WRN: variants seen among roughly 807,000 people sequenced by gnomAD.
WRN encodes WRN RecQ like helicase.
Under a neutral mutation model 180.7 loss-of-function variants are expected in WRN, and 149 were observed. The observed-to-expected ratio is 0.82, with a 90% CI of 0.72 to 0.94. WRN has a LOEUF of 0.94. Ranked by LOEUF, WRN falls within the 40% of genes least tolerant of loss-of-function variation. The probability of loss-of-function intolerance (pLI) is 0.00; values close to 1 mark genes in which losing one functional copy is unlikely to be tolerated. For synonymous variants in WRN, 548 were observed against 568.9 expected, an observed-to-expected ratio of 0.96 and a Z score of 0.52; for missense variants, 1,661 against 1,700.1, an observed-to-expected ratio of 0.98 and a Z score of 0.40.
chr8:31,146,293 T>A (rs1162198780), intron 28 of WRN, among the ~76,000 whole-genome samples: 1 of 149,914 alleles, frequency 6.7e-6, no homozygotes, highest in East Asian at 1.9e-4. Context: ...TTATATATAT[T>A]TTTAATATAA....
intron 23 of WRN, among the ~76,000 whole-genome samples, chr8:31,131,050 T>C (rs554759350): frequency 6.6e-6 from 1 of 152,220 alleles, no homozygotes; most frequent in African/African-American, 2.4e-5. Flanking sequence ...AGCAATATGC[T>C]TGTGGACATA....
chr8:31,175,535 T>G lies in WRN; in HGVS notation c.*2433T>G, dbSNP rs1294859014. ...TGAATATAACAGAGTATGAAAAAGT[T>G]TATTGATATAGTTTCAGATTACACA... On this transcript the variant is annotated 3_prime_UTR_variant, in exon 35 of 35. Coordinates refer to ENST00000298139, the MANE Select transcript of WRN (RefSeq NM_000553.6). 6.6e-6 allele frequency among the ~76,000 whole-genome samples: 1 copy of G among 152,238 alleles called. No homozygotes were observed. The highest frequency in any genetic ancestry group is 1.5e-5 in the Non-Finnish European group (1 of 68,046).
At chr8:31,043,201 C>G (rs1004773566) in intron 1 of WRN, among the ~76,000 whole-genome samples, 2 of 152,194 alleles carry the variant, frequency 1.3e-5, no homozygotes, top group African/African-American at 4.8e-5. Context: ...TGGCTACTTG[C>G]ATCAACCATG....
At chr8:31,116,946 G>T (rs1801545816) in intron 20 of WRN, among the ~76,000 whole-genome samples, 1 of 152,214 alleles carries the variant, frequency 6.6e-6, no homozygotes, top group African/African-American at 2.4e-5. Context: ...GACTGGTATG[G>T]AATGGTTGGA....
chr8:31,151,472 C>T (rs946900619), intron 31 of WRN, among the ~76,000 whole-genome samples: 8 of 152,096 alleles, frequency 5.3e-5, no homozygotes, highest in African/African-American at 1.9e-4. Flanking sequence ...TTTTCTTTTT[C>T]ATACTCTTAT....
intron 7 of WRN, among the ~76,000 whole-genome samples, chr8:31,074,135 C>T (rs960433107): frequency 1.3e-5 from 2 of 151,524 alleles, no homozygotes; most frequent in Non-Finnish European, 2.9e-5. Flanking sequence ...CCATGTTAGC[C>T]AGGTTGGTCT....
At chr8:31,078,876 A>G (rs1011297075) in intron 8 of WRN, among the ~76,000 whole-genome samples, 6 of 152,228 alleles carry the variant, frequency 3.9e-5, no homozygotes, top group African/African-American at 1.2e-4. Flanking sequence ...GTTATCTTAC[A>G]TAAAGCATGT....
intron 11 of WRN, among the ~76,000 whole-genome samples, chr8:31,086,862 A>C: frequency 6.6e-6 from 1 of 152,218 alleles, no homozygotes; most frequent in East Asian, 1.9e-4. Flanking sequence ...TACTGTTCCA[A>C]TAGTACATTT....
chr8:31,035,060 AT>A (rs368029572), intron 1 of WRN, among the ~76,000 whole-genome samples: 4 of 151,620 alleles, frequency 2.6e-5, no homozygotes, highest in South Asian at 2.1e-4. Context: ...ATTTTCTTTT[AT>A]TTTTTTTCCC....
intron 8 of WRN, among the ~76,000 whole-genome samples, chr8:31,077,260 G>A (rs1218558450): frequency 6.6e-6 from 1 of 151,500 alleles, no homozygotes; most frequent in Non-Finnish European, 1.5e-5. Flanking sequence ...TCTTTTTTTT[G>A]AGACGAGTCT....
chr8:31,130,176 C>T (rs1802104701), intron 23 of WRN, among the ~76,000 whole-genome samples: 1 of 6,682 alleles, frequency 1.5e-4, no homozygotes, highest in South Asian at 0.038. Flanking sequence ...TTAATAACAA[C>T]AACAAAAAAA....
rs4987035 is a variant in WRN, at chr8:31,166,977, T to G, written c.3983-45T>G. The G allele has an allele frequency of 1.7e-4, 256 of 1,543,772 alleles. No individual in the cohort carries two copies. In the African/African-American group the frequency reaches 3.2e-3, roughly 19 times the overall value. On this transcript the variant is annotated intron_variant, in intron 33 of 34. Coordinates refer to ENST00000298139, the MANE Select transcript of WRN (RefSeq NM_000553.6). ...TCTAGCTCATAGGTTTTCTAAAATA[T>G]TCTCTGTAATTTATTTTGAAATGGA...
Position 31,096,784 on chromosome 8 carries a change from G to A in WRN, c.1915G>A (p.Val639Ile), listed in dbSNP as rs1585449230. The A allele has an allele frequency of 6.3e-7, 1 of 1,595,742 alleles. No homozygotes were observed. Among genetic ancestry groups the A allele is most frequent in the Non-Finnish European group, 8.5e-7 (1 of 1,171,918 alleles). The change falls in exon 17 of 35, where the codon GTA (valine) becomes ATA (isoleucine). Residue 639 changes from valine (V) to isoleucine (I), a missense_variant. Physicochemically the swap from Val to Ile is conservative, Grantham distance 29. Transcript: ENST00000298139. Reference protein sequence around the residue: ...TDIKLGKYRIVYVTPEYCSGN... With the variant: ...TDIKLGKYRIIYVTPEYCSGN... ...TTTTTACAGAGGTAAATACCGGATTGTATACGTAACTCCAGAATACTGTTC... is the reference window on the plus strand; with the variant it reads ...TTTTTACAGAGGTAAATACCGGATTATATACGTAACTCCAGAATACTGTTC...
Position 31,064,921 on chromosome 8 carries a change from C to G in WRN, c.362C>G (p.Pro121Arg), listed in dbSNP as rs768174465. The change falls in exon 5 of 35, where the codon CCC becomes CGC. Residue 121 changes from proline to arginine, a missense_variant. Pro to Arg is a moderately radical substitution (Grantham distance 103). Transcript: ENST00000298139. Reference protein sequence around the residue: ...LFHVSSMSVFPQGLKMLLENK... With the variant: ...LFHVSSMSVFRQGLKMLLENK... ...TAACAAGAAAATGTTACAGTTTTTC[C>G]CCAGGGATTAAAAATGTTGCTTGAA... 2 of 1,613,270 alleles carry G rather than the reference C, an allele frequency of 1.2e-6. No homozygotes were observed. Among genetic ancestry groups the G allele is most frequent in the Non-Finnish European group, 1.7e-6 (2 of 1,179,644 alleles).
At chr8:31,171,348 A>C (rs1274847881) in intron 34 of WRN, 1 of 151,882 alleles carries the variant, frequency 6.6e-6, no homozygotes, top group Non-Finnish European at 1.5e-5. Flanking sequence ...AAAAAAAAAA[A>C]CATTAAAAAG....
chr8:31,085,834 C>T (rs11574235), intron 11 of WRN, among the ~76,000 whole-genome samples: 8,879 of 151,950 alleles, frequency 0.058, 264 homozygotes, highest in South Asian at 0.08. Flanking sequence ...TGATTTGGCT[C>T]TCCAGTATTG....
At chr8:31,144,580 G>T (rs11574349) in intron 28 of WRN, among the ~76,000 whole-genome samples, 3 of 152,006 alleles carry the variant, frequency 2.0e-5, no homozygotes, top group Admixed American at 6.6e-5. Context: ...CAGGTGATCC[G>T]CCTGCCTTGG....
At chr8:31,137,432 C>T (rs1362834205) in intron 24 of WRN, among the ~76,000 whole-genome samples, 1 of 152,064 alleles carries the variant, frequency 6.6e-6, no homozygotes, top group Non-Finnish European at 1.5e-5. Flanking sequence ...ATAGAATCTA[C>T]TACTACCAAG....
rs566836893 is a variant in WRN at position 31,145,618 on chromosome 8, T to C, written c.3384-1435T>C. 4.6e-5 allele frequency among the ~76,000 whole-genome samples: 7 copies of C among 152,346 alleles called. No homozygotes were observed. In the East Asian group the frequency reaches 1.4e-3, roughly 29 times the overall value. ...ATTCTGTAGCTCATGGATCAAGAAG[T>C]AAATTAACCTTTTAAGTATTATTAT... On this transcript the variant is annotated intron_variant, in intron 28 of 34. Transcript: ENST00000298139.
Sources: allele counts gnomAD v4.1 joint callset (sites outside exome capture counted in the v4.1 genomes callset), GRCh38; gene constraint gnomAD v4.1.1; transcripts MANE v1.5; gene names NCBI Gene and HGNC (gene_info 2026-07-23, HGNC 2026-07-21).